EBF2: variants seen among roughly 807,000 people sequenced by gnomAD.
The protein encoded by EBF2 is transcription factor COE2.
In EBF2, 21 loss-of-function variants were observed where a neutral mutation model predicts 72.8. The observed-to-expected ratio is 0.29, with a 90% CI of 0.20 to 0.42. The LOEUF is 0.42. Among genes scored for constraint, EBF2 ranks in the 10% least tolerant of loss-of-function variants. The pLI, the probability that EBF2 is intolerant of heterozygous loss-of-function variation, is 1.00. For synonymous variants in EBF2, 299 were observed against 274.2 expected (o/e 1.09, Z -0.89); for missense variants, 637 against 731.2 (o/e 0.87, Z 1.49).
chr8:26,039,392 C>T (rs1435107038), intron 5 of EBF2, among the ~76,000 whole-genome samples: 2 of 152,200 alleles, frequency 1.3e-5, no homozygotes, highest in African/African-American at 4.8e-5. Context: ...CACTCCAGAT[C>T]TCCCAGCGGG....
At chr8:25,954,832 T>G (rs1803917577) in intron 6 of EBF2, among the ~76,000 whole-genome samples, 1 of 152,174 alleles carries the variant, frequency 6.6e-6, no homozygotes, top group Admixed American at 6.5e-5. Flanking sequence ...CTGGAGGACA[T>G]GGATACTCAG....
chr8:25,848,651 G>A (rs1417984456), intron 15 of EBF2, among the ~76,000 whole-genome samples: 1 of 152,188 alleles, frequency 6.6e-6, no homozygotes, highest in African/African-American at 2.4e-5. Flanking sequence ...CGTGAGAGAG[G>A]AGGTGGGGAA....
At chr8:26,037,462 C>T (rs1325215801) in intron 5 of EBF2, among the ~76,000 whole-genome samples, 1 of 152,206 alleles carries the variant, frequency 6.6e-6, no homozygotes, top group African/African-American at 2.4e-5. Flanking sequence ...GTTTTCTTCT[C>T]CCCAACTCCT....
At chr8:25,888,207 C>T (rs1171259948) in intron 8 of EBF2, among the ~76,000 whole-genome samples, 2 of 152,198 alleles carry the variant, frequency 1.3e-5, no homozygotes, top group African/African-American at 2.4e-5. Context: ...ATTGGACACA[C>T]CACAAATAAA....
Position 25,870,646 on chromosome 8 carries a change from A to T in EBF2, c.1010-7849T>A, listed in dbSNP as rs113142706. Among the ~76,000 whole-genome samples the T allele has an allele frequency of 6.8e-3, 1,035 of 152,088 alleles. 13 individuals are homozygous for T. The highest frequency in any genetic ancestry group is 0.024 in the African/African-American group (992 of 41,492). On this transcript the variant is annotated intron_variant, in intron 10 of 15. Coordinates refer to ENST00000520164, the MANE Select transcript of EBF2 (RefSeq NM_022659.4). Reference sequence around the variant, plus strand: ...CGCATTTGCACCCATTGTTCTCCCAACCAGATTGCAAACCACTAGGATACA... The same window carrying T: ...CGCATTTGCACCCATTGTTCTCCCATCCAGATTGCAAACCACTAGGATACA...
Position 26,040,628 on chromosome 8 carries a change from C to A in EBF2, c.396G>T (p.Ser132=). 6.4e-7 allele frequency: 1 copy of A among 1,553,320 alleles called. No homozygotes were observed. Among genetic ancestry groups the A allele is most frequent in the Non-Finnish European group, 8.7e-7 (1 of 1,148,088 alleles). Residue 132 remains serine (S), a synonymous_variant, in exon 4 of 16, where the codon TCG becomes TCT. Coordinates refer to ENST00000520164, the MANE Select transcript of EBF2 (RefSeq NM_022659.4). The part of the protein sequence containing the change: ...EQDLYVRLID[S]VTKQPIAYEG... ...GCCTCCGGCTCACCTGCTTGGTGAC[C>A]GAGTCGATGAGCCTGACATAGAGGT...
intron 6 of EBF2, among the ~76,000 whole-genome samples, chr8:25,987,271 C>T (rs1474382734): frequency 6.6e-6 from 1 of 152,066 alleles, no homozygotes. Flanking sequence ...TAAAATAAAA[C>T]ATGTATTGAG....
chr8:25,965,774 C>T lies in EBF2; in HGVS notation c.552-57219G>A, dbSNP rs1401914060. 5.3e-5 allele frequency among the ~76,000 whole-genome samples: 8 copies of T among 152,212 alleles called. No individual in the cohort carries two copies. In the East Asian group the frequency reaches 1.5e-3, roughly 29 times the overall value. Reference sequence around the variant, plus strand: ...AGGGCCCTAGAGTCACCTCTTGAGGCAGTCACCACAGCTCTCCCACAGTGA... The same window carrying T: ...AGGGCCCTAGAGTCACCTCTTGAGGTAGTCACCACAGCTCTCCCACAGTGA... On this transcript the variant is annotated intron_variant, in intron 6 of 15. Coordinates refer to ENST00000520164, the MANE Select transcript of EBF2 (RefSeq NM_022659.4).
At chr8:26,017,938 G>A (rs185893880) in intron 6 of EBF2, among the ~76,000 whole-genome samples, 2 of 152,204 alleles carry the variant, frequency 1.3e-5, no homozygotes, top group African/African-American at 2.4e-5. Flanking sequence ...TGCACTTGGC[G>A]CAGCCCAACT....
At chr8:25,861,439 T>G in intron 11 of EBF2, 65 bp from the exon 12 acceptor site, 2 of 1,582,188 alleles carry the variant, frequency 1.3e-6, no homozygotes, top group Non-Finnish European at 1.7e-6. Context: ...CAAAAGAAAA[T>G]TATAGGCAAA....
rs558963900 is a variant in EBF2, at chr8:25,862,718, T to C, written c.1089A>G (p.Arg363=). 1.3e-6 allele frequency: 2 copies of C among 1,594,128 alleles called. No homozygotes were observed. Among genetic ancestry groups the C allele is most frequent in the African/African-American group, 1.3e-5 (1 of 74,462 alleles). The change falls in exon 11 of 16, where the codon AGA becomes AGG. Residue 363 remains arginine (R), a synonymous_variant. Coordinates refer to ENST00000520164, the MANE Select transcript of EBF2 (RefSeq NM_022659.4). ...TTCCAAAGCACATTACCTTAGCTAATCTCTCAGGATCTCCAGGATGCCTAG... is the reference window on the plus strand; with the variant it reads ...TTCCAAAGCACATTACCTTAGCTAACCTCTCAGGATCTCCAGGATGCCTAG... The part of the protein sequence containing the change: ...VIPRHPGDPE[R]LAKEMLLKRA...
rs1239266981 is a variant in EBF2 at position 26,045,377 on chromosome 8, C to CCG, written c.-520_-519dup. The stretch of plus-strand genomic sequence containing the variant: ...CGAGCGCCACGGAGCCCGGCTGCAG[C>CCG]CGCGCGCGGGCCCCATGAATGGGTT... On this transcript the variant is annotated 5_prime_UTR_variant, in exon 1 of 16. The change abolishes the stop of an existing upstream ORF in the 5' untranslated region. Coordinates refer to ENST00000520164, the MANE Select transcript of EBF2 (RefSeq NM_022659.4). The CCG allele has an allele frequency of 2.0e-5, 3 of 152,330 alleles. No homozygotes were observed. The highest frequency in any genetic ancestry group is 7.2e-5 in the African/African-American group (3 of 41,440). The allele number at this position is 152,330 out of a possible 1,614,324, so 9.4% of individuals were successfully genotyped here.
intron 6 of EBF2, among the ~76,000 whole-genome samples, chr8:25,928,782 GAAAAAAA>G (rs71551838): frequency 1.8e-5 from 2 of 110,376 alleles, no homozygotes; most frequent in Non-Finnish European, 1.7e-5. Flanking sequence ...ATTTTTAAAT[GAAAAAAA>G]AAAAAAAAAA....
Position 25,862,806 on chromosome 8 carries a change from G to C in EBF2, c.1010-9C>G. 1 of 1,573,370 alleles carries C rather than the reference G, an allele frequency of 6.4e-7. No individual in the cohort carries two copies. Among genetic ancestry groups the C allele is most frequent in the Non-Finnish European group, 8.6e-7 (1 of 1,159,262 alleles). ...GGTGGGTTCATTTAATGCTGAAAGAGAAAAGTCCTCTTTCTGAGTTGGTAT... is the reference window on the plus strand; with the variant it reads ...GGTGGGTTCATTTAATGCTGAAAGACAAAAGTCCTCTTTCTGAGTTGGTAT... On this transcript the variant is annotated splice_polypyrimidine_tract_variant and intron_variant, in intron 10 of 15. Transcript: ENST00000520164.
chr8:25,888,133 T>C (rs983546671), intron 8 of EBF2, among the ~76,000 whole-genome samples, 161 bp from the exon 9 acceptor site: 11 of 152,168 alleles, frequency 7.2e-5, no homozygotes, highest in African/African-American at 2.4e-4. Flanking sequence ...ACAAAAAAGG[T>C]CCATGTATAA....
At chr8:26,033,589 T>C (rs983937607) in intron 5 of EBF2, among the ~76,000 whole-genome samples, 6 of 152,092 alleles carry the variant, frequency 3.9e-5, no homozygotes, top group African/African-American at 1.2e-4. Context: ...CTGGGGCCTG[T>C]CCGAGGGGTG....
At chr8:25,925,959 C>T (rs1045126294) in intron 6 of EBF2, among the ~76,000 whole-genome samples, 4 of 152,088 alleles carry the variant, frequency 2.6e-5, no homozygotes, top group South Asian at 2.1e-4. Flanking sequence ...TGCTGAAGTG[C>T]GACTGATATG....
chr8:25,912,498 A>ACACACAC (rs60144558), intron 6 of EBF2, among the ~76,000 whole-genome samples: 1 of 134,068 alleles, frequency 7.5e-6, no homozygotes, highest in Non-Finnish European at 1.6e-5. Flanking sequence ...ACACACACAC[A>ACACACAC]ACAGGAAGAA....
rs543648275 is a variant in EBF2, at chr8:26,000,604, T to A, written c.551+32481A>T. Reference sequence around the variant, plus strand: ...TGGAATTGTTAGTATTTCATAAGGATGTGTGCATCCTCGCAAGTCCTGAAT... The same window carrying A: ...TGGAATTGTTAGTATTTCATAAGGAAGTGTGCATCCTCGCAAGTCCTGAAT... On this transcript the variant is annotated intron_variant, in intron 6 of 15. Coordinates refer to ENST00000520164, the MANE Select transcript of EBF2 (RefSeq NM_022659.4). Among the ~76,000 whole-genome samples, 14 of 152,360 alleles carry A rather than the reference T, an allele frequency of 9.2e-5. No individual in the cohort carries two copies. The South Asian group carries it at 2.7e-3, about 29-fold the overall frequency.
Sources: allele counts gnomAD v4.1 joint callset (sites outside exome capture counted in the v4.1 genomes callset), GRCh38; gene constraint gnomAD v4.1.1; transcripts MANE v1.5; gene names NCBI Gene and HGNC (gene_info 2026-07-23, HGNC 2026-07-21).